ARHGAP15: variants seen among roughly 807,000 people sequenced by gnomAD.
The protein encoded by ARHGAP15 is rho GTPase-activating protein 15.
ARHGAP15 carries 51 observed loss-of-function variants against 63.7 expected under a neutral mutation model. The observed-to-expected ratio is 0.80, with a 90% confidence interval of 0.64 to 1.01. The LOEUF is 1.01. Ranked by LOEUF, ARHGAP15 falls within the 50% of genes least tolerant of loss-of-function variation. The probability of loss-of-function intolerance (pLI) is 0.00; values close to 1 mark genes in which losing one functional copy is unlikely to be tolerated. For synonymous variants in ARHGAP15, 191 were observed against 193.8 expected (o/e 0.99, Z 0.12); for missense variants, 560 against 564.6 (o/e 0.99, Z 0.08).
intron 2 of ARHGAP15, among the ~76,000 whole-genome samples, chr2:143,161,568 C>A (rs1690298735): frequency 6.6e-6 from 1 of 151,732 alleles, no homozygotes; most frequent in African/African-American, 2.4e-5. Flanking sequence ...TTTCAAGGGA[C>A]CACAAGGTTG....
chr2:143,647,374 A>G (rs1680932970), intron 12 of ARHGAP15, among the ~76,000 whole-genome samples: 2 of 150,734 alleles, frequency 1.3e-5, no homozygotes, highest in Admixed American at 6.6e-5. Flanking sequence ...AAAAAAAAAA[A>G]AAGAACATAA....
intron 6 of ARHGAP15, among the ~76,000 whole-genome samples, chr2:143,398,294 T>C (rs1468461857): frequency 1.3e-5 from 2 of 152,108 alleles, no homozygotes; most frequent in African/African-American, 4.8e-5. Context: ...GAATTTTGTA[T>C]CCTCTACCAT....
intron 13 of ARHGAP15, among the ~76,000 whole-genome samples, chr2:143,743,646 G>A (rs1306168868): frequency 6.6e-6 from 1 of 152,164 alleles, no homozygotes; most frequent in Non-Finnish European, 1.5e-5. Flanking sequence ...TGCTCCTCGT[G>A]TGCCAATGCC....
chr2:143,497,841 G>A (rs535653405), intron 9 of ARHGAP15, among the ~76,000 whole-genome samples: 2 of 150,876 alleles, frequency 1.3e-5, no homozygotes, highest in East Asian at 4.1e-4. Context: ...TTCAAGGAAG[G>A]AGGTCTCACT....
intron 13 of ARHGAP15, among the ~76,000 whole-genome samples, chr2:143,735,137 A>C (rs942558972): frequency 1.3e-5 from 2 of 152,158 alleles, no homozygotes; most frequent in Admixed American, 1.3e-4. Flanking sequence ...TTTAAACGTA[A>C]TTTCTTTTTC....
chr2:143,295,079 G>T (rs538177746), intron 6 of ARHGAP15, among the ~76,000 whole-genome samples: 1 of 152,084 alleles, frequency 6.6e-6, no homozygotes, highest in African/African-American at 2.4e-5. Context: ...ATGGGGCTGT[G>T]AATATATTTC....
intron 6 of ARHGAP15, among the ~76,000 whole-genome samples, chr2:143,372,923 G>A (rs943635661): frequency 1.3e-5 from 2 of 149,368 alleles, no homozygotes; most frequent in Admixed American, 6.7e-5. Context: ...CCTTTTAAAA[G>A]CCTATGACAG....
At chr2:143,483,857 T>C (rs1692189107) in intron 8 of ARHGAP15, among the ~76,000 whole-genome samples, 1 of 152,234 alleles carries the variant, frequency 6.6e-6, no homozygotes, top group East Asian at 1.9e-4. Flanking sequence ...CAAAATGACC[T>C]GAGGTCAATC....
chr2:143,750,091 C>G (rs1686313438), intron 13 of ARHGAP15, among the ~76,000 whole-genome samples: 2 of 152,200 alleles, frequency 1.3e-5, no homozygotes, highest in Admixed American at 1.3e-4. Flanking sequence ...TCTAATCTCC[C>G]TTTCCATGTT....
intron 10 of ARHGAP15, among the ~76,000 whole-genome samples, chr2:143,551,837 C>G (rs994866801): frequency 6.6e-6 from 1 of 152,068 alleles, no homozygotes; most frequent in African/African-American, 2.4e-5. Flanking sequence ...TAAATTATAT[C>G]CTGTACTCTC....
intron 13 of ARHGAP15, among the ~76,000 whole-genome samples, chr2:143,715,149 G>A (rs1359347167): frequency 6.6e-6 from 1 of 152,176 alleles, no homozygotes; most frequent in African/African-American, 2.4e-5. Flanking sequence ...ATCATGGCAG[G>A]AGGTAAAAGG....
chr2:143,336,980 T>C (rs1416280091), intron 6 of ARHGAP15, among the ~76,000 whole-genome samples: 2 of 151,454 alleles, frequency 1.3e-5, no homozygotes, highest in Non-Finnish European at 2.9e-5. Flanking sequence ...GGGCCCTAGA[T>C]AGGTATGAAG....
At chr2:143,366,569 A>G (rs187377359) in intron 6 of ARHGAP15, among the ~76,000 whole-genome samples, 271 of 152,166 alleles carry the variant, frequency 1.8e-3, no homozygotes, top group African/African-American at 6.2e-3. Flanking sequence ...AATACTAAAA[A>G]TTGTGCATTT....
At chr2:143,758,954 C>T (rs916819511) in intron 13 of ARHGAP15, among the ~76,000 whole-genome samples, 2 of 152,150 alleles carry the variant, frequency 1.3e-5, no homozygotes, top group African/African-American at 2.4e-5. Flanking sequence ...TTGAGAACCA[C>T]GGATCGAATT....
intron 4 of ARHGAP15, among the ~76,000 whole-genome samples, chr2:143,226,549 T>A (rs932745388): frequency 4.6e-5 from 7 of 152,242 alleles, no homozygotes; most frequent in African/African-American, 1.7e-4. Context: ...TCTATTATTA[T>A]GACCTGAATG....
intron 11 of ARHGAP15, among the ~76,000 whole-genome samples, chr2:143,567,539 A>G (rs562060917): frequency 2.0e-5 from 3 of 152,244 alleles, no homozygotes; most frequent in African/African-American, 7.2e-5. Flanking sequence ...CTGTCTTCCA[A>G]CCCAACATGG....
At chr2:143,189,460 A>G (rs1691589465) in intron 2 of ARHGAP15, among the ~76,000 whole-genome samples, 1 of 150,886 alleles carries the variant, frequency 6.6e-6, no homozygotes, top group Non-Finnish European at 1.5e-5. Flanking sequence ...TATTAGGTAG[A>G]TGTTGAACTT....
chr2:143,677,924 G>A (rs1387589364), intron 12 of ARHGAP15, among the ~76,000 whole-genome samples: 1 of 152,186 alleles, frequency 6.6e-6, no homozygotes, highest in African/African-American at 2.4e-5. Flanking sequence ...AAATCCAAAA[G>A]AGGTCAGGTG....
chr2:143,611,238 A>G (rs960557014), intron 11 of ARHGAP15, among the ~76,000 whole-genome samples: 4 of 152,144 alleles, frequency 2.6e-5, no homozygotes, highest in Non-Finnish European at 5.9e-5. Flanking sequence ...TGATTCTGTT[A>G]TTAGTTCCAG....
Sources: allele counts gnomAD v4.1 joint callset (sites outside exome capture counted in the v4.1 genomes callset), GRCh38; gene constraint gnomAD v4.1.1; transcripts MANE v1.5; gene names NCBI Gene and HGNC (gene_info 2026-07-23, HGNC 2026-07-21).